PTK2: variants seen among roughly 807,000 people sequenced by gnomAD.
PTK2 encodes the protein focal adhesion kinase 1.
PTK2 carries 45 observed loss-of-function variants against 150.1 expected under a neutral mutation model. The ratio of observed to expected loss-of-function variants is 0.30; its 90% confidence interval spans 0.24 to 0.38. The LOEUF (loss-of-function observed/expected upper bound fraction) is 0.38. Ranked by LOEUF, PTK2 falls within the 10% of genes least tolerant of loss-of-function variation. PTK2 has a pLI of 1.00. For synonymous variants in PTK2, 432 were observed against 449.2 expected, an observed-to-expected ratio of 0.96 and a Z score of 0.48; for missense variants, 919 against 1,307.3, an observed-to-expected ratio of 0.70 and a Z score of 4.58.
chr8:140,914,900 G>C (rs1437861120), intron 2 of PTK2, among the ~76,000 whole-genome samples: 1 of 151,888 alleles, frequency 6.6e-6, no homozygotes, highest in Non-Finnish European at 1.5e-5. Context: ...GGGCATAGTG[G>C]TGCATGCCTG....
intron 16 of PTK2, among the ~76,000 whole-genome samples, chr8:140,754,111 G>T (rs929270224): frequency 2.0e-5 from 3 of 152,340 alleles, no homozygotes; most frequent in East Asian, 3.9e-4. Context: ...AATGGTAAGA[G>T]AACTGTATCA....
intron 4 of PTK2, chr8:140,879,229 G>T: frequency 2.8e-6 from 1 of 362,102 alleles, no homozygotes; most frequent in Non-Finnish European, 4.9e-6. Context: ...AAATTAGCTA[G>T]CAAAAGACCA....
In PTK2 at chr8:140,667,459, TCTCTCTC is replaced by T. The variant is rs1313082839; in HGVS notation, c.2865+803_2865+809del. 2.7e-3 allele frequency among the ~76,000 whole-genome samples: 195 copies of T among 73,040 alleles called. 1 individual carries two copies. Among genetic ancestry groups the T allele is most frequent in the Admixed American group, 0.019 (98 of 5,290 alleles). The allele number at this position is 73,040 out of a possible 152,430, so 47.9% of individuals were successfully genotyped here. A position where few individuals can be genotyped will look rare whatever the true frequency, so the allele number is the denominator to read the frequency against. ...CTAGTGTCCTCTTTCTTTCTCTCTCTCTCTCTCTTTTTTTTTTTTTTTAAAGAGATGG... is the reference window on the plus strand; with the variant it reads ...CTAGTGTCCTCTTTCTTTCTCTCTCTTTTTTTTTTTTTTTTAAAGAGATGG... On this transcript the variant is annotated intron_variant, in intron 30 of 31. Coordinates refer to ENST00000522684, the Ensembl canonical transcript of PTK2.
chr8:140,902,937 T>TTTTTG (rs1568515898), intron 2 of PTK2, among the ~76,000 whole-genome samples: 5 of 138,946 alleles, frequency 3.6e-5, no homozygotes, highest in Admixed American at 7.3e-5. Context: ...TTTTTTTTTT[T>TTTTTG]TTTTTTTTTT....
At chr8:140,735,108 A>G (rs771562094) in intron 22 of PTK2, 143 bp downstream of exon 25, 6 of 749,730 alleles carry the variant, frequency 8.0e-6, no homozygotes, top group Non-Finnish European at 1.3e-5. Flanking sequence ...ATGCAAATCA[A>G]TTTTAAAAGT....
chr8:140,850,946 C>T (rs1049313255), intron 5 of PTK2, among the ~76,000 whole-genome samples: 8 of 152,194 alleles, frequency 5.3e-5, no homozygotes, highest in Non-Finnish European at 1.0e-4. Flanking sequence ...TTGGCTACCA[C>T]ATGAGATTTT....
chr8:140,843,234 C>G (rs2100123336), intron 7 of PTK2, among the ~76,000 whole-genome samples: 1 of 152,162 alleles, frequency 6.6e-6, no homozygotes, highest in Admixed American at 6.5e-5. Context: ...ATACCATTCA[C>G]TAATTCACCT....
chr8:140,890,656 G>A (rs759434032), exon 3 of PTK2: 7 of 1,613,966 alleles, frequency 4.3e-6, no homozygotes, highest in Admixed American at 1.7e-5. Context: ...CCAGGAGAAC[G>A]TTCCATACCA....
At chr8:140,667,461 TC>T (rs1563908596) in intron 30 of PTK2, among the ~76,000 whole-genome samples, 5,366 of 72,654 alleles carry the variant, frequency 0.074, 315 homozygotes, top group African/African-American at 0.16. Context: ...TCTCTCTCTC[TC>T]TCTCTTTTTT....
At chr8:140,813,186 C>G (rs2100102616) in intron 10 of PTK2, among the ~76,000 whole-genome samples, 1 of 152,214 alleles carries the variant, frequency 6.6e-6, no homozygotes, top group Non-Finnish European at 1.5e-5. Flanking sequence ...ACCATTCCCT[C>G]AGAGCACAGC....
intron 27 of PTK2, among the ~76,000 whole-genome samples, chr8:140,677,784 GCTTT>G (rs1300319729): frequency 6.6e-6 from 1 of 152,190 alleles, no homozygotes; most frequent in Non-Finnish European, 1.5e-5. Context: ...TTTGTGTAGT[GCTTT>G]CTACTTCATA....
At chr8:140,864,821 A>G (rs2100138324) in intron 4 of PTK2, among the ~76,000 whole-genome samples, 1 of 152,200 alleles carries the variant, frequency 6.6e-6, no homozygotes, top group African/African-American at 2.4e-5. Context: ...ACATCACCAG[A>G]ATGCTCTTTA....
intron 22 of PTK2, among the ~76,000 whole-genome samples, chr8:140,726,318 G>C (rs2100045763): frequency 6.6e-6 from 1 of 152,154 alleles, no homozygotes; most frequent in African/African-American, 2.4e-5. Context: ...TCTCAGAAGA[G>C]AGGGAAAATA....
intron 7 of PTK2, among the ~76,000 whole-genome samples, chr8:140,840,174 T>G: frequency 6.6e-6 from 1 of 152,210 alleles, no homozygotes; most frequent in Middle Eastern, 3.2e-3. Flanking sequence ...TCCTCCAGCC[T>G]CAGCCTCCCG....
Position 140,846,006 on chromosome 8 carries a change from AT to A in PTK2, c.593+253del, listed in dbSNP as rs1224339562. ...AGAATTCAATATAAATTAGAAAAAA[AT>A]ATCATCTTGCAATGATTAAATCTAC... is the stretch of plus-strand genomic sequence containing the variant. On this transcript the variant is annotated intron_variant, in intron 7 of 31. Coordinates refer to ENST00000522684, the Ensembl canonical transcript of PTK2. Among the ~76,000 whole-genome samples the A allele has an allele frequency of 2.6e-5, 4 of 151,964 alleles. 1 individual carries two copies. Among genetic ancestry groups the A allele is most frequent in the Non-Finnish European group, 4.4e-5 (3 of 68,004 alleles).
intron 12 of PTK2, among the ~76,000 whole-genome samples, chr8:140,794,021 A>G (rs926439821): frequency 2.0e-5 from 3 of 152,134 alleles, no homozygotes; most frequent in African/African-American, 7.2e-5. Flanking sequence ...ATGGTGAGGG[A>G]AACGCTTTCT....
intron 15 of PTK2, among the ~76,000 whole-genome samples, chr8:140,763,078 A>G (rs2100070265): frequency 6.6e-6 from 1 of 152,216 alleles, no homozygotes; most frequent in African/African-American, 2.4e-5. Flanking sequence ...CACCATGCCA[A>G]AAAGTTAAAC....
At position 140,975,492 on chromosome 8, in the gene PTK2, A is replaced by G. The variant is rs79560467; in HGVS notation, c.-122+25633T>C. Among the ~76,000 whole-genome samples, 1,100 of 152,258 alleles carry G rather than the reference A, an allele frequency of 7.2e-3. 24 individuals carry two copies. The East Asian group carries it at 0.094, about 13-fold the overall frequency. ...TGCACATGAGTGGAATCCACTTCCC[A>G]TCTTCCGCTGAAAAATACTTTACAA... On this transcript the variant is annotated intron_variant, in intron 1 of 31. Transcript: ENST00000522684.
At chr8:140,819,192 T>C (rs2100106681) in intron 8 of PTK2, among the ~76,000 whole-genome samples, 172 bp from the exon 9 acceptor site, 2 of 152,248 alleles carry the variant, frequency 1.3e-5, no homozygotes, top group Admixed American at 1.3e-4. Flanking sequence ...AGCTTTATTC[T>C]TTTAATTGTG....
Sources: gnomAD v4.1 joint callset for allele counts (sites outside exome capture counted in the v4.1 genomes callset) on GRCh38, gnomAD v4.1.1 for gene constraint, MANE v1.5 for transcripts, NCBI Gene and HGNC (gene_info 2026-07-23, HGNC 2026-07-21) for gene names.